The following SYNPR variants were observed in gnomAD, a reference collection of about 807,000 sequenced individuals.
SYNPR encodes synaptoporin.
A neutral mutation model predicts 32.9 loss-of-function variants in SYNPR; 23 were observed. That is an observed-to-expected ratio of 0.70 (90% CI 0.50 to 0.99). SYNPR has a LOEUF of 0.99. Among genes scored for constraint, SYNPR ranks in the 50% least tolerant of loss-of-function variants. The pLI is 0.00. For missense variants in SYNPR, 318 were observed against 349.3 expected (o/e 0.91, Z 0.71); for synonymous variants, 146 against 135.9 (o/e 1.07, Z -0.52).
At chr3:63,491,204 A>G (rs1701252237) in intron 3 of SYNPR, among the ~76,000 whole-genome samples, 1 of 152,172 alleles carries the variant, frequency 6.6e-6, no homozygotes, top group African/African-American at 2.4e-5. Flanking sequence ...GTAGATAATA[A>G]TCCCACTACA....
At chr3:63,382,928 G>T (rs1376022545) in intron 2 of SYNPR, among the ~76,000 whole-genome samples, 2 of 152,048 alleles carry the variant, frequency 1.3e-5, no homozygotes, top group African/African-American at 2.4e-5. Context: ...GTATTCTTTT[G>T]TATCACTTAA....
chr3:63,313,163 A>C (rs1193817901), intron 2 of SYNPR, among the ~76,000 whole-genome samples: 1 of 152,014 alleles, frequency 6.6e-6, no homozygotes, highest in Non-Finnish European at 1.5e-5. Flanking sequence ...TAAATGAATG[A>C]GTATCTTCCT....
At chr3:63,520,880 T>A (rs930071062) in intron 3 of SYNPR, among the ~76,000 whole-genome samples, 2 of 151,878 alleles carry the variant, frequency 1.3e-5, no homozygotes, top group African/African-American at 4.8e-5. Context: ...CTCTAGGGAG[T>A]GAGAGTCTAG....
the SYNPR span, among the ~76,000 whole-genome samples, chr3:63,208,274 C>T: frequency 0.78 from 118,783 of 152,134 alleles, 46,877 homozygotes; most frequent in Middle Eastern, 0.87. Flanking sequence ...TATTTTATGA[C>T]TGGAGTGAGG....
At chr3:63,540,377 A>G (rs1238275714) in intron 3 of SYNPR, among the ~76,000 whole-genome samples, 5 of 152,142 alleles carry the variant, frequency 3.3e-5, no homozygotes, top group Non-Finnish European at 5.9e-5. Context: ...ACATAGAGCC[A>G]TGGTCTAAGC....
chr3:63,606,143 C>T (rs1350661922), intron 4 of SYNPR, among the ~76,000 whole-genome samples: 2 of 152,128 alleles, frequency 1.3e-5, no homozygotes, highest in Non-Finnish European at 2.9e-5. Context: ...CAAATGGACA[C>T]ACGGGTAACA....
intron 3 of SYNPR, among the ~76,000 whole-genome samples, chr3:63,543,528 ATTTTGT>A (rs1370476365): frequency 6.6e-6 from 1 of 151,998 alleles, no homozygotes; most frequent in African/African-American, 2.4e-5. Context: ...TGTTTTGGTT[ATTTTGT>A]TTTTGTTTTT....
chr3:63,452,468 C>T (rs1057161684), intron 2 of SYNPR, among the ~76,000 whole-genome samples: 1 of 152,020 alleles, frequency 6.6e-6, no homozygotes. Context: ...GGATTAGTGC[C>T]CATAAAACCT....
chr3:63,355,110 C>T (rs1344266272), intron 2 of SYNPR, among the ~76,000 whole-genome samples: 4 of 152,026 alleles, frequency 2.6e-5, no homozygotes, highest in Middle Eastern at 6.3e-3. Context: ...AAAACCCCGT[C>T]TCTACTAAAA....
intron 3 of SYNPR, among the ~76,000 whole-genome samples, chr3:63,525,068 A>T (rs1425064221): frequency 2.0e-5 from 3 of 152,154 alleles, no homozygotes. Flanking sequence ...CTGGGAATAC[A>T]TGATGGAGAG....
At chr3:63,573,023 C>T (rs1702916152) in intron 4 of SYNPR, among the ~76,000 whole-genome samples, 2 of 151,930 alleles carry the variant, frequency 1.3e-5, no homozygotes, top group African/African-American at 2.4e-5. Flanking sequence ...AAGAGTGTTG[C>T]AAATAAAATG....
intron 2 of SYNPR, among the ~76,000 whole-genome samples, chr3:63,408,378 A>AAGAAAGAG (rs2088417144): frequency 6.7e-6 from 1 of 148,442 alleles, no homozygotes; most frequent in Non-Finnish European, 1.5e-5. Flanking sequence ...GAAAGAAAGA[A>AAGAAAGAG]AGAAAAGGAA....
At chr3:63,496,528 C>A (rs1394287271) in intron 3 of SYNPR, among the ~76,000 whole-genome samples, 1 of 152,094 alleles carries the variant, frequency 6.6e-6, no homozygotes, top group Non-Finnish European at 1.5e-5. Context: ...GTCCCTGGGC[C>A]AAAAGGTGTA....
Position 63,551,311 on chromosome 3 carries a change from C to T in SYNPR, c.210-5232C>T, listed in dbSNP as rs532911256. 2.0e-5 allele frequency among the ~76,000 whole-genome samples: 3 copies of T among 152,214 alleles called. No homozygotes were observed. In the South Asian group the frequency reaches 6.2e-4, roughly 32 times the overall value. On this transcript the variant is annotated intron_variant, in intron 3 of 5. Transcript: ENST00000478300. ...ATAAACTACATCTTATTTATTCATTCGTCAGTTAATAGACATTGCAGTTGT... is the reference window on the plus strand; with the variant it reads ...ATAAACTACATCTTATTTATTCATTTGTCAGTTAATAGACATTGCAGTTGT...
At chr3:63,408,202 A>AAAGAAAGAAAG (rs1560220886) in intron 2 of SYNPR, among the ~76,000 whole-genome samples, 1 of 52,186 alleles carries the variant, frequency 1.9e-5, no homozygotes, top group Non-Finnish European at 3.3e-5. Flanking sequence ...AAGAGGAAGG[A>AAAGAAAGAAAG]AGGAAGGAAG....
chr3:63,246,636 G>A (rs1004385446), intron 1 of SYNPR, among the ~76,000 whole-genome samples: 2 of 152,034 alleles, frequency 1.3e-5, no homozygotes, highest in Admixed American at 1.3e-4. Flanking sequence ...GACCTGAAGT[G>A]AGAGTTTAAA....
At chr3:63,411,388 G>A (rs191551080) in intron 2 of SYNPR, among the ~76,000 whole-genome samples, 2 of 152,282 alleles carry the variant, frequency 1.3e-5, no homozygotes, top group Admixed American at 1.3e-4. Flanking sequence ...CTGGCTCCAC[G>A]CTAGGCAGTG....
intron 2 of SYNPR, among the ~76,000 whole-genome samples, chr3:63,406,516 G>T (rs1391278721): frequency 2.0e-5 from 3 of 151,234 alleles, no homozygotes; most frequent in Non-Finnish European, 4.4e-5. Flanking sequence ...GAAAGATTTT[G>T]CTTTATGTCC....
Position 63,283,090 on chromosome 3 carries a change from T to C in SYNPR, c.84+4348T>C, listed in dbSNP as rs572692121. On this transcript the variant is annotated intron_variant, in intron 2 of 5. Transcript: ENST00000478300. ...GGTAAACTGTGGTATGCAGGAAGAG[T>C]TGTGGGCCTATCACCTGTCTACAGT... Among the ~76,000 whole-genome samples the C allele has an allele frequency of 7.2e-5, 11 of 152,048 alleles. No homozygotes were observed. In the South Asian group the frequency reaches 1.0e-3, roughly 14 times the overall value.
Sources: allele counts gnomAD v4.1 joint callset (sites outside exome capture counted in the v4.1 genomes callset), GRCh38; gene constraint gnomAD v4.1.1; transcripts MANE v1.5; gene names NCBI Gene and HGNC (gene_info 2026-07-23, HGNC 2026-07-21).